The following RXRA variants were observed in gnomAD, a reference collection of about 807,000 sequenced individuals.
The protein encoded by RXRA is retinoid X receptor alpha.
A neutral mutation model predicts 44.5 loss-of-function variants in RXRA; 5 were observed. The ratio of observed to expected loss-of-function variants is 0.11; its 90% CI spans 0.06 to 0.24. The LOEUF is 0.24. Among genes scored for constraint, RXRA ranks in the 10% least tolerant of loss-of-function variants. The probability of loss-of-function intolerance (pLI) is 1.00; values close to 1 mark genes in which losing one functional copy is unlikely to be tolerated. For missense variants in RXRA, 412 were observed against 646.5 expected (o/e 0.64, Z 3.93); for synonymous variants, 291 against 271.4 (o/e 1.07, Z -0.71).
intron 4 of RXRA, among the ~76,000 whole-genome samples, chr9:134,416,698 G>T (rs1306875842): frequency 6.6e-6 from 1 of 151,988 alleles, no homozygotes; most frequent in Non-Finnish European, 1.5e-5. Context: ...CAGCACGGGT[G>T]CCCCTGTGCT....
At chr9:134,380,209 C>T (rs1022210676) in intron 1 of RXRA, 6 of 983,204 alleles carry the variant, frequency 6.1e-6, no homozygotes, top group Non-Finnish European at 6.0e-6. Flanking sequence ...CCGGAGGTGG[C>T]GTGCCGGCCC....
chr9:134,410,369 G>C (rs1831128294), intron 4 of RXRA, among the ~76,000 whole-genome samples: 1 of 152,236 alleles, frequency 6.6e-6, no homozygotes, highest in South Asian at 2.1e-4. Context: ...ACCGAGGGCA[G>C]ACGGTTCAAG....
At chr9:134,411,837 G>C (rs34187476) in intron 4 of RXRA, among the ~76,000 whole-genome samples, 4,829 of 152,282 alleles carry the variant, frequency 0.032, 125 homozygotes, top group Non-Finnish European at 0.048. Flanking sequence ...TTGTGCACAG[G>C]GGGAGTCTCT....
intron 5 of RXRA, among the ~76,000 whole-genome samples, chr9:134,419,315 G>T (rs529701614): frequency 6.6e-6 from 1 of 152,218 alleles, no homozygotes; most frequent in African/African-American, 2.4e-5. Context: ...ACATTATTTG[G>T]GGGGGAATCT....
rs2119030965 is a variant in RXRA, at chr9:134,343,301, C to A, written c.28+16642C>A. Reference sequence around the variant, plus strand: ...CTGAAGTAAGGCCTGTCCTTCAGTTCTTGCCTGGGAGCAGGGAAGGCCCTG... The same window carrying A: ...CTGAAGTAAGGCCTGTCCTTCAGTTATTGCCTGGGAGCAGGGAAGGCCCTG... On this transcript the variant is annotated intron_variant, in intron 1 of 9. Coordinates refer to ENST00000481739, the MANE Select transcript of RXRA (RefSeq NM_002957.6). This position sits in a 1 kb window ranked among gnomAD's most constrained non-coding sequence, Gnocchi z 4.1. 6.6e-6 allele frequency among the ~76,000 whole-genome samples: 1 copy of A among 152,278 alleles called. No individual in the cohort carries two copies. The highest frequency in any genetic ancestry group is 2.1e-4 in the South Asian group (1 of 4,826).
At chr9:134,415,753 G>A (rs1162409218) in intron 4 of RXRA, among the ~76,000 whole-genome samples, 4 of 152,208 alleles carry the variant, frequency 2.6e-5, no homozygotes, top group African/African-American at 9.7e-5. Context: ...CTGGCCCCAG[G>A]TCCATGTCTG....
chr9:134,422,108 A>G (rs1179494008), intron 6 of RXRA: 2 of 1,322,756 alleles, frequency 1.5e-6, no homozygotes, highest in African/African-American at 3.2e-5. Flanking sequence ...CCTGGGACAC[A>G]CTTCTACCTC....
intron 1 of RXRA, among the ~76,000 whole-genome samples, chr9:134,340,322 A>G (rs1253774140): frequency 6.6e-6 from 1 of 152,092 alleles, no homozygotes; most frequent in Non-Finnish European, 1.5e-5. Context: ...AGGCAGATAT[A>G]TGTTCTAGAA....
chr9:134,341,191 G>A (rs1441924056), intron 1 of RXRA, among the ~76,000 whole-genome samples: 1 of 152,206 alleles, frequency 6.6e-6, no homozygotes, highest in Non-Finnish European at 1.5e-5. Flanking sequence ...AGCATGGCAC[G>A]CTCCCTCGTT....
At chr9:134,383,782 C>T (rs1255228077) in intron 1 of RXRA, among the ~76,000 whole-genome samples, 3 of 152,134 alleles carry the variant, frequency 2.0e-5, no homozygotes, top group African/African-American at 4.8e-5. Flanking sequence ...GATCCTCACT[C>T]CAGGCAGAAC....
rs953282103 is a variant in RXRA, at chr9:134,437,506, G to C, written c.*892G>C. ...GGCTGGCCCTGGCTCGGGCAGGGTG[G>C]GGCATCACCACCTCACTGGCCTTGC... On this transcript the variant is annotated 3_prime_UTR_variant, in exon 10 of 10. Coordinates refer to ENST00000481739, the MANE Select transcript of RXRA (RefSeq NM_002957.6). The C allele has an allele frequency of 1.3e-5, 2 of 152,386 alleles. No individual in the cohort carries two copies. Among genetic ancestry groups the C allele is most frequent in the Non-Finnish European group, 2.9e-5 (2 of 68,216 alleles). The allele number at this position is 152,386 out of a possible 1,614,324, so 9.4% of individuals were successfully genotyped here. A position where few individuals can be genotyped will look rare whatever the true frequency, so the allele number is the denominator to read the frequency against.
At chr9:134,401,540 G>A (rs1390717506) in intron 1 of RXRA, 92 bp from the exon 2 acceptor site, 7 of 1,584,738 alleles carry the variant, frequency 4.4e-6, no homozygotes, top group Non-Finnish European at 5.1e-6. Context: ...TCTTCCCGCA[G>A]GTGCGTGCAT....
rs981054587 is a variant in RXRA at position 134,366,307 on chromosome 9, A to C, written c.29-35325A>C. Among the ~76,000 whole-genome samples, 1 of 148,886 alleles carries C rather than the reference A, an allele frequency of 6.7e-6. No homozygotes were observed. ...AGTGCCACAGCCTCTCCCTCTGCCC[A>C]CCCCCCCCATGCCTGCCCTGCCAGC... On this transcript the variant is annotated intron_variant, in intron 1 of 9. Coordinates refer to ENST00000481739, the MANE Select transcript of RXRA (RefSeq NM_002957.6). The surrounding 1 kb of genome is among the most constrained non-coding windows in gnomAD (Gnocchi z 5.9).
chr9:134,408,349 A>G lies in RXRA; in HGVS notation c.430+50A>G, dbSNP rs1209083434. ...GCTGGTGGGACAGGGTTGTCAGGCC[A>G]TTGCAGGGTCTGGAGGCCTCCCCAA... On this transcript the variant is annotated intron_variant, in intron 3 of 9. Transcript: ENST00000481739. The G allele has an allele frequency of 9.0e-6, 14 of 1,552,484 alleles. 1 individual carries two copies. The East Asian group carries it at 3.3e-4, about 36-fold the overall frequency.
At chr9:134,329,416 A>C (rs1554746406) in intron 1 of RXRA, among the ~76,000 whole-genome samples, 2 of 152,138 alleles carry the variant, frequency 1.3e-5, no homozygotes, top group African/African-American at 4.8e-5. Context: ...CTGTTTGTTG[A>C]CTGGGGAGGT....
intron 6 of RXRA, among the ~76,000 whole-genome samples, chr9:134,428,525 G>A (rs1253759848): frequency 8.3e-6 from 1 of 121,188 alleles, no homozygotes; most frequent in Non-Finnish European, 1.7e-5. Context: ...CCCGCCCCAG[G>A]GAACCCCCAC....
chr9:134,397,351 C>T (rs1211391892), intron 1 of RXRA, among the ~76,000 whole-genome samples: 2 of 152,198 alleles, frequency 1.3e-5, no homozygotes, highest in South Asian at 2.1e-4. Flanking sequence ...TAGCCCCCGA[C>T]ACTCAGGATC....
chr9:134,350,960 G>A (rs528537427), intron 1 of RXRA, among the ~76,000 whole-genome samples: 2 of 152,226 alleles, frequency 1.3e-5, no homozygotes, highest in Non-Finnish European at 2.9e-5. Context: ...CCCACAAGAG[G>A]CCCTGTGCCT....
chr9:134,378,080 C>T (rs889905343), intron 1 of RXRA, among the ~76,000 whole-genome samples: 5 of 152,248 alleles, frequency 3.3e-5, no homozygotes, highest in African/African-American at 1.2e-4. Context: ...GCAGGTTTCA[C>T]GATGACTGTG....
Sources: allele counts gnomAD v4.1 joint callset (sites outside exome capture counted in the v4.1 genomes callset), GRCh38; gene constraint gnomAD v4.1.1; non-coding constraint Gnocchi (gnomAD v3.1); transcripts MANE v1.5; gene names NCBI Gene and HGNC (gene_info 2026-07-23, HGNC 2026-07-21).